The following BIRC6 variants were observed in gnomAD, a reference collection of about 807,000 sequenced individuals.
The protein encoded by BIRC6 is baculoviral IAP repeat containing 6, also known as dual E2 ubiquitin-conjugating enzyme/E3 ubiquitin-protein ligase BIRC6.
In BIRC6, 98 loss-of-function variants were observed where a neutral mutation model predicts 503.3. The ratio of observed to expected loss-of-function variants is 0.19; its 90% CI spans 0.17 to 0.23. The LOEUF is 0.23. Among genes scored for constraint, BIRC6 ranks in the 10% least tolerant of loss-of-function variants. BIRC6 has a pLI of 1.00. For missense variants in BIRC6, 5,360 were observed against 5,806.0 expected, an observed-to-expected ratio of 0.92 and a Z score of 2.50; for synonymous variants, 2,240 against 2,078.7, an observed-to-expected ratio of 1.08 and a Z score of -2.11.
chr2:32,499,789 G>A lies in BIRC6; in HGVS notation c.8711G>A (p.Gly2904Asp). The A allele has an allele frequency of 1.2e-6, 2 of 1,613,976 alleles. No individual in the cohort carries two copies. The highest frequency in any genetic ancestry group is 1.7e-6 in the Non-Finnish European group (2 of 1,179,858). Residue 2904 changes from glycine to aspartate, a missense_variant, in exon 46 of 74, where the codon GGT becomes GAT. Gly to Asp is a moderately conservative substitution (Grantham distance 94, BLOSUM62 -1). Transcript: ENST00000421745. ...CTCTTTGCCAATCTTATTCGTCCGG[G>A]TGATGCAAAAGCAGTTTGTGGCGAA... ...GGLFANLIRP[G>D]DAKAVCGEMT... is the part of the protein sequence containing the mutation.
At chr2:32,541,572 G>A (rs959889944) in intron 61 of BIRC6, among the ~76,000 whole-genome samples, 7 of 152,146 alleles carry the variant, frequency 4.6e-5, no homozygotes, top group African/African-American at 1.7e-4. Flanking sequence ...AGGAAGCTTA[G>A]GAATCATCCT....
chr2:32,558,097 C>A (rs966134908), intron 65 of BIRC6, among the ~76,000 whole-genome samples: 2 of 151,960 alleles, frequency 1.3e-5, no homozygotes, highest in Admixed American at 6.6e-5. Context: ...AGTGTGCAGT[C>A]CTACTTTAGT....
At chr2:32,397,085 C>G (rs1017051835) in intron 6 of BIRC6, among the ~76,000 whole-genome samples, 4 of 152,158 alleles carry the variant, frequency 2.6e-5, no homozygotes, top group African/African-American at 9.7e-5. Flanking sequence ...TGTGGTCAGT[C>G]TGTCTGTGTT....
At chr2:32,459,114 G>A (rs1482131584) in intron 23 of BIRC6, among the ~76,000 whole-genome samples, 1 of 152,076 alleles carries the variant, frequency 6.6e-6, no homozygotes, top group Non-Finnish European at 1.5e-5. Flanking sequence ...AACTCACAGT[G>A]TTATGCAGTT....
intron 65 of BIRC6, among the ~76,000 whole-genome samples, chr2:32,553,951 A>T (rs888110079): frequency 4.6e-5 from 7 of 152,174 alleles, no homozygotes; most frequent in African/African-American, 1.7e-4. Flanking sequence ...TCCACTTTTC[A>T]TAAGAAATGG....
intron 50 of BIRC6, 32 bp from the exon 51 acceptor site, chr2:32,507,936 GTATACTTTGTCT>G (rs1243857598): frequency 6.4e-7 from 1 of 1,570,228 alleles, no homozygotes; most frequent in East Asian, 2.2e-5. Flanking sequence ...GTTCAATCTA[GTATACTTTGTCT>G]TTTGTGATGA....
intron 3 of BIRC6, among the ~76,000 whole-genome samples, chr2:32,384,752 A>G (rs543627083): frequency 6.6e-6 from 1 of 152,274 alleles, no homozygotes; most frequent in South Asian, 2.1e-4. Flanking sequence ...TAGCCTCCAT[A>G]TCTGTTGCCA....
Position 32,485,633 on chromosome 2 carries a change from C to G in BIRC6, c.7697-10C>G, listed in dbSNP as rs917721408. 6 of 1,579,806 alleles carry G rather than the reference C, an allele frequency of 3.8e-6. No homozygotes were observed. The African/African-American group carries it at 6.8e-5, about 18-fold the overall frequency. On this transcript the variant is annotated splice_polypyrimidine_tract_variant and intron_variant, in intron 39 of 73. Transcript: ENST00000421745. ...CAATGTTTTCTTTTTCTTTCAATTGCTTTTTGTAGCCCTGGATGCTCGCCT... is the reference window on the plus strand; with the variant it reads ...CAATGTTTTCTTTTTCTTTCAATTGGTTTTTGTAGCCCTGGATGCTCGCCT...
At chr2:32,525,433 A>C (rs748824713) in intron 58 of BIRC6, 31 bp from the exon 59 acceptor site, 3 of 1,611,886 alleles carry the variant, frequency 1.9e-6, no homozygotes, top group Admixed American at 1.7e-5. Context: ...TGTGTTGACT[A>C]TGTAGAATCT....
Position 32,479,507 on chromosome 2 carries a change from C to A in BIRC6, c.7298C>A (p.Thr2433Lys), listed in dbSNP as rs1448257788. The A allele has an allele frequency of 1.2e-6, 2 of 1,604,996 alleles. No individual in the cohort carries two copies. Among genetic ancestry groups the A allele is most frequent in the East Asian group, 2.2e-5 (1 of 44,640 alleles). The change falls in exon 37 of 74, where the codon ACA (threonine) becomes AAA (lysine). Residue 2433 changes from threonine to lysine, a missense_variant. Physicochemically the swap from Thr to Lys is moderately conservative, Grantham distance 78. Around this residue, in one of 16 missense-constraint regions of BIRC6, gnomAD observed 2,299 missense variants for 2,267.2 expected, o/e 1.01. Coordinates refer to ENST00000421745, the MANE Select transcript of BIRC6 (RefSeq NM_016252.4). ...PVAAEAMEEG[T>K]VGDDVGATAG... Reference sequence around the variant, plus strand: ...GCCGCAGAAGCCATGGAGGAAGGAACAGTGGGTGATGATGTAGGTGCGACA... The same window carrying A: ...GCCGCAGAAGCCATGGAGGAAGGAAAAGTGGGTGATGATGTAGGTGCGACA...
intron 3 of BIRC6, among the ~76,000 whole-genome samples, chr2:32,382,746 T>A (rs1466001694): frequency 1.3e-5 from 2 of 152,196 alleles, no homozygotes; most frequent in Non-Finnish European, 2.9e-5. Flanking sequence ...TTTTTGGAGA[T>A]GGGGTCTTGT....
intron 3 of BIRC6, among the ~76,000 whole-genome samples, chr2:32,386,228 A>T (rs1317390681): frequency 6.6e-6 from 1 of 152,150 alleles, no homozygotes; most frequent in Non-Finnish European, 1.5e-5. Context: ...AAAAGTAAAG[A>T]TAGAAAAATA....
chr2:32,540,224 GA>G (rs1239897053), intron 61 of BIRC6, among the ~76,000 whole-genome samples: 6 of 151,944 alleles, frequency 3.9e-5, no homozygotes, highest in African/African-American at 1.4e-4. Flanking sequence ...AATTTAAACT[GA>G]AACTCATTTT....
At chr2:32,494,259 C>T (rs183812009) in intron 45 of BIRC6, among the ~76,000 whole-genome samples, 16 of 150,532 alleles carry the variant, frequency 1.1e-4, no homozygotes, top group East Asian at 9.8e-4. Flanking sequence ...CACAGAGTCT[C>T]GCTCTGTCGC....
chr2:32,434,152 T>G (rs942256916), intron 13 of BIRC6, among the ~76,000 whole-genome samples: 1 of 152,216 alleles, frequency 6.6e-6, no homozygotes, highest in South Asian at 2.1e-4. Context: ...GAAGTTACTT[T>G]TAAGGTTATT....
At chr2:32,466,412 T>C (rs906408340) in intron 26 of BIRC6, among the ~76,000 whole-genome samples, 5 of 152,248 alleles carry the variant, frequency 3.3e-5, no homozygotes, top group African/African-American at 1.2e-4. Flanking sequence ...ATGTCTATAC[T>C]GGGAAAAAGC....
In BIRC6 at chr2:32,487,868, T is replaced by C. The variant is rs2051181633; in HGVS notation, c.7968+67T>C. 5.9e-6 allele frequency: 8 copies of C among 1,361,420 alleles called. No homozygotes were observed. In the South Asian group the frequency reaches 9.1e-5, roughly 16 times the overall value. The allele number at this position is 1,361,420 out of a possible 1,614,324, so 84.3% of individuals were successfully genotyped here. A position where few individuals can be genotyped will look rare whatever the true frequency, so the allele number is the denominator to read the frequency against. On this transcript the variant is annotated intron_variant, in intron 41 of 73. Transcript: ENST00000421745. ...TTAGCCTGGTAAAAGATGAAACTAATTGGGAAGTTCATTCTAATCCTGTCA... is the reference window on the plus strand; with the variant it reads ...TTAGCCTGGTAAAAGATGAAACTAACTGGGAAGTTCATTCTAATCCTGTCA...
chr2:32,505,515 A>AT (rs1322901677), intron 50 of BIRC6, among the ~76,000 whole-genome samples: 1 of 152,092 alleles, frequency 6.6e-6, no homozygotes, highest in Non-Finnish European at 1.5e-5. Flanking sequence ...CTACACACCC[A>AT]TTTTTTACCA....
Position 32,485,679 on chromosome 2 carries a change from A to G in BIRC6, c.7733A>G (p.Gln2578Arg), listed in dbSNP as rs758446790. The change falls in exon 40 of 74, where the codon CAA becomes CGA. Residue 2578 changes from glutamine to arginine, a missense_variant. This residue lies in a region of BIRC6 where 2,299 missense variants were observed against 2,267.2 expected (regional missense o/e 1.01). Transcript: ENST00000421745. Reference protein sequence around the residue: ...DARLEVGLEQQAELMLKMMST... With the variant: ...DARLEVGLEQRAELMLKMMST... Reference sequence around the variant, plus strand: ...CGCCTAGAAGTTGGACTTGAACAGCAAGCAGAACTGATGTTGAAAATGATG... The same window carrying G: ...CGCCTAGAAGTTGGACTTGAACAGCGAGCAGAACTGATGTTGAAAATGATG... 6.2e-7 allele frequency: 1 copy of G among 1,613,634 alleles called. No individual in the cohort carries two copies. Among genetic ancestry groups the G allele is most frequent in the African/African-American group, 1.3e-5 (1 of 74,934 alleles).
Sources: allele counts gnomAD v4.1 joint callset (sites outside exome capture counted in the v4.1 genomes callset), GRCh38; gene constraint gnomAD v4.1.1; regional missense constraint gnomAD v4.1.1; transcripts MANE v1.5; gene names NCBI Gene and HGNC (gene_info 2026-07-23, HGNC 2026-07-21).